The following EPB41L3 variants were observed in gnomAD, a reference collection of about 807,000 sequenced individuals.
EPB41L3 encodes erythrocyte membrane protein band 4.1 like 3.
In EPB41L3, 57 loss-of-function variants were observed where a neutral mutation model predicts 127.1. That is an observed-to-expected ratio of 0.45 (90% CI 0.36 to 0.56). EPB41L3 has a LOEUF of 0.56. Among genes scored for constraint, EPB41L3 ranks in the 20% least tolerant of loss-of-function variants. The pLI is 0.00. For synonymous variants in EPB41L3, 572 were observed against 549.5 expected (o/e 1.04, Z -0.57); for missense variants, 1,273 against 1,372.2 (o/e 0.93, Z 1.14).
At chr18:5,475,483 G>C (rs1473919835) in intron 3 of EPB41L3, among the ~76,000 whole-genome samples, 1 of 152,228 alleles carries the variant, frequency 6.6e-6, no homozygotes, top group Non-Finnish European at 1.5e-5. Flanking sequence ...CAGGAAACAG[G>C]ATGGCTCGCT....
chr18:5,405,777 A>AAAACAAAC lies in EPB41L3; in HGVS notation c.2349+992_2349+999dup, dbSNP rs10645523. The stretch of plus-strand genomic sequence containing the variant: ...GGCGACAGAGAGAAACACCATCTCA[A>AAAACAAAC]AAACAAACAAACAAACAAACAAAAA... On this transcript the variant is annotated intron_variant, in intron 16 of 22. Transcript: ENST00000341928. Among the ~76,000 whole-genome samples the AAAACAAAC allele has an allele frequency of 6.0e-5, 9 of 149,186 alleles. No individual in the cohort carries two copies. The South Asian group carries it at 1.1e-3, about 18-fold the overall frequency.
intron 3 of EPB41L3, among the ~76,000 whole-genome samples, chr18:5,580,177 T>C (rs75881942): frequency 0.03 from 4,602 of 152,308 alleles, 105 homozygotes; most frequent in Middle Eastern, 0.071. Flanking sequence ...TAAATACATA[T>C]GTATACATAT....
intron 3 of EPB41L3, among the ~76,000 whole-genome samples, chr18:5,561,070 C>A (rs1372654534): frequency 1.4e-5 from 2 of 147,440 alleles, no homozygotes; most frequent in African/African-American, 2.5e-5. Context: ...CTCCGCCTCC[C>A]AGGTTCACGC....
At position 5,478,271 on chromosome 18, in the gene EPB41L3, G is replaced by A. The variant is rs145256842; in HGVS notation, c.351C>T (p.Leu117=). 6.4e-5 allele frequency: 103 copies of A among 1,614,038 alleles called. No homozygotes were observed. Among genetic ancestry groups the A allele is most frequent in the African/African-American group, 4.9e-4 (37 of 75,014 alleles). Residue 117 remains leucine, a synonymous_variant, in exon 3 of 23, where the codon CTC becomes CTT. Transcript: ENST00000341928. The part of the protein sequence containing the change: ...PKSMQCKVIL[L]DGSEYTCDVE... ...CATCACAGGTATATTCTGATCCATCGAGAAGTATCACTTTGCACTGCATGC... is the reference window on the plus strand; with the variant it reads ...CATCACAGGTATATTCTGATCCATCAAGAAGTATCACTTTGCACTGCATGC...
intron 3 of EPB41L3, among the ~76,000 whole-genome samples, chr18:5,594,569 A>G (rs936161696): frequency 1.3e-5 from 2 of 152,200 alleles, no homozygotes; most frequent in African/African-American, 4.8e-5. Context: ...TAATTATGTC[A>G]CCCTAAATTC....
intron 1 of EPB41L3, among the ~76,000 whole-genome samples, chr18:5,503,679 A>T (rs2091929085): frequency 6.6e-6 from 1 of 152,232 alleles, no homozygotes; most frequent in South Asian, 2.1e-4. Flanking sequence ...CAAGTAGAAA[A>T]CAAAAGACCA....
At chr18:5,436,839 T>C (rs895812637) in intron 6 of EPB41L3, among the ~76,000 whole-genome samples, 1 of 152,228 alleles carries the variant, frequency 6.6e-6, no homozygotes, top group Non-Finnish European at 1.5e-5. Flanking sequence ...CTCTGATTTA[T>C]TGCAATATAA....
intron 3 of EPB41L3, among the ~76,000 whole-genome samples, chr18:5,579,923 G>A (rs938605933): frequency 2.0e-5 from 3 of 152,176 alleles, no homozygotes; most frequent in Non-Finnish European, 4.4e-5. Flanking sequence ...ACTGTTGGTT[G>A]CTTATAAGCC....
At chr18:5,429,537 A>G (rs1410685807) in intron 8 of EPB41L3, among the ~76,000 whole-genome samples, 1 of 152,218 alleles carries the variant, frequency 6.6e-6, no homozygotes. Flanking sequence ...CTGAGCATCC[A>G]TTGGAAGCTA....
intron 1 of EPB41L3, among the ~76,000 whole-genome samples, chr18:5,512,688 T>C (rs1165829434): frequency 6.6e-5 from 10 of 152,230 alleles, no homozygotes; most frequent in African/African-American, 2.4e-4. Context: ...AGGGGTTGAA[T>C]AATTATAATA....
At chr18:5,432,256 G>A (rs915547374) in intron 8 of EPB41L3, among the ~76,000 whole-genome samples, 1 of 152,178 alleles carries the variant, frequency 6.6e-6, no homozygotes, top group African/African-American at 2.4e-5. Flanking sequence ...CAGGGGTGCT[G>A]AGGTGTTTGC....
At chr18:5,548,078 C>A (rs2093910154), upstream of EPB41L3, among the ~76,000 whole-genome samples, 1 of 152,142 alleles carries the variant, frequency 6.6e-6, no homozygotes, top group South Asian at 2.1e-4. Flanking sequence ...ACAACACTGG[C>A]AATAACTAGT....
intron 11 of EPB41L3, among the ~76,000 whole-genome samples, chr18:5,422,460 TTTG>T (rs1555664231): frequency 2.9e-5 from 1 of 34,660 alleles, no homozygotes; most frequent in Non-Finnish European, 2.2e-4. Flanking sequence ...ACTTGTAACT[TTTG>T]TTTATTTTTA....
intron 3 of EPB41L3, among the ~76,000 whole-genome samples, chr18:5,595,318 T>C (rs1032652739): frequency 2.0e-5 from 3 of 152,198 alleles, no homozygotes; most frequent in African/African-American, 7.2e-5. Context: ...TATGTAGCCC[T>C]GGAAGAAAGC....
chr18:5,447,200 A>G (rs1374493511), intron 3 of EPB41L3, among the ~76,000 whole-genome samples: 1 of 152,220 alleles, frequency 6.6e-6, no homozygotes. Flanking sequence ...TGACATTAAA[A>G]TCAAATAATG....
At chr18:5,494,152 G>A (rs1029960414) in intron 1 of EPB41L3, among the ~76,000 whole-genome samples, 14 of 151,874 alleles carry the variant, frequency 9.2e-5, no homozygotes, top group Non-Finnish European at 1.0e-4. Context: ...ACCTAAAACC[G>A]AACATTTTTC....
At chr18:5,546,761 C>T (rs1598893703), upstream of EPB41L3, among the ~76,000 whole-genome samples, 4 of 152,222 alleles carry the variant, frequency 2.6e-5, no homozygotes, top group South Asian at 8.3e-4. Flanking sequence ...AGCTGCATAG[C>T]TCCCTCAGCA....
At position 5,580,935 on chromosome 18, in the gene EPB41L3, C is replaced by T. The variant is rs188883415; in HGVS notation, c.-306+31405G>A. Among the ~76,000 whole-genome samples, 53 of 152,334 alleles carry T rather than the reference C, an allele frequency of 3.5e-4. No homozygotes were observed. The East Asian group carries it at 9.8e-3, about 28-fold the overall frequency. On this transcript the variant is annotated intron_variant, in intron 3 of 21. Transcript: ENST00000545076. ...TGTGTTTGCAGCATAGCCTTCTTAG[C>T]ATGACCTGTCCCTCCACATCAGTGG... is the stretch of plus-strand genomic sequence containing the variant.
intron 1 of EPB41L3, among the ~76,000 whole-genome samples, chr18:5,626,089 CATT>C (rs1261504958): frequency 5.3e-5 from 8 of 152,250 alleles, no homozygotes; most frequent in African/African-American, 1.9e-4. Context: ...CTCACTCTCT[CATT>C]ATTTAGGATT....
Sources: gnomAD v4.1 joint callset for allele counts (sites outside exome capture counted in the v4.1 genomes callset) on GRCh38, gnomAD v4.1.1 for gene constraint, MANE v1.5 for transcripts, NCBI Gene and HGNC (gene_info 2026-07-23, HGNC 2026-07-21) for gene names.